The following SUPT3H variants were observed in gnomAD, a reference collection of about 807,000 sequenced individuals.
SUPT3H encodes the protein SPT3 homolog, SAGA and STAGA complex component, also known as transcription initiation protein SPT3 homolog.
A neutral mutation model predicts 44.3 loss-of-function variants in SUPT3H; 44 were observed. That is an observed-to-expected ratio of 0.99 (90% CI 0.78 to 1.28). The LOEUF is 1.28. SUPT3H is among the 50% of genes most tolerant of loss of function. The pLI is 0.00. For missense variants in SUPT3H, 380 were observed against 387.1 expected, an observed-to-expected ratio of 0.98 and a Z score of 0.15; for synonymous variants, 124 against 125.6, an observed-to-expected ratio of 0.99 and a Z score of 0.09.
chr6:45,344,656 G>C (rs1365247475), intron 2 of SUPT3H, among the ~76,000 whole-genome samples: 2 of 152,060 alleles, frequency 1.3e-5, no homozygotes, highest in Non-Finnish European at 2.9e-5. Context: ...AATGTCAAAA[G>C]CATGTTAACT....
chr6:45,132,499 T>G (rs115310890), intron 2 of SUPT3H, among the ~76,000 whole-genome samples: 2,670 of 152,294 alleles, frequency 0.018, 51 homozygotes, highest in South Asian at 0.085. Flanking sequence ...CTTACATTTA[T>G]CTTTGACCAC....
At chr6:45,048,845 G>A (rs747777081) in intron 3 of SUPT3H, among the ~76,000 whole-genome samples, 7 of 152,020 alleles carry the variant, frequency 4.6e-5, no homozygotes, top group Non-Finnish European at 7.4e-5. Flanking sequence ...TTGACCTCAC[G>A]GAAGTAGAGA....
intron 2 of SUPT3H, among the ~76,000 whole-genome samples, chr6:45,246,544 G>A: frequency 6.6e-6 from 1 of 152,080 alleles, no homozygotes; most frequent in East Asian, 1.9e-4. Flanking sequence ...TTGCTCTTAA[G>A]AATCAATATT....
intron 3 of SUPT3H, among the ~76,000 whole-genome samples, chr6:45,100,082 A>G (rs1395157895): frequency 6.6e-6 from 1 of 152,174 alleles, no homozygotes; most frequent in Non-Finnish European, 1.5e-5. Flanking sequence ...TACTCAAAAA[A>G]TCAACTCAAA....
At chr6:45,090,643 T>C (rs1320847957) in intron 3 of SUPT3H, among the ~76,000 whole-genome samples, 2 of 151,972 alleles carry the variant, frequency 1.3e-5, no homozygotes, top group African/African-American at 2.4e-5. Flanking sequence ...CTAAATATAA[T>C]GTACTCATTG....
chr6:45,120,760 G>A (rs2153579092), intron 2 of SUPT3H, among the ~76,000 whole-genome samples: 1 of 152,198 alleles, frequency 6.6e-6, no homozygotes, highest in South Asian at 2.1e-4. Context: ...TTGCTTTTAG[G>A]TTTCAAGAAT....
intron 2 of SUPT3H, among the ~76,000 whole-genome samples, chr6:45,337,303 G>A (rs1788771262): frequency 6.6e-6 from 1 of 151,428 alleles, no homozygotes; most frequent in African/African-American, 2.4e-5. Context: ...AAATTTGCTG[G>A]AAAAGCTTGC....
chr6:44,969,827 T>A (rs1393676578), intron 6 of SUPT3H, among the ~76,000 whole-genome samples: 1 of 152,182 alleles, frequency 6.6e-6, no homozygotes. Context: ...TTCCCCAGAG[T>A]GGCATTCATA....
chr6:44,952,674 C>T (rs915755625), intron 9 of SUPT3H, among the ~76,000 whole-genome samples: 1 of 152,190 alleles, frequency 6.6e-6, no homozygotes, highest in African/African-American at 2.4e-5. Flanking sequence ...CACTGCAATA[C>T]ATTTCTGGTT....
intron 2 of SUPT3H, among the ~76,000 whole-genome samples, chr6:45,117,949 A>G (rs1257116072): frequency 6.6e-6 from 1 of 152,126 alleles, no homozygotes; most frequent in Non-Finnish European, 1.5e-5. Context: ...AATGAAATTT[A>G]GTATGCCCAG....
chr6:45,254,017 G>C (rs1354950231), intron 2 of SUPT3H, among the ~76,000 whole-genome samples: 1 of 150,960 alleles, frequency 6.6e-6, no homozygotes, highest in Non-Finnish European at 1.5e-5. Context: ...GAAGCAATAG[G>C]CACCGAACAA....
chr6:45,117,542 A>G (rs1032442341), intron 2 of SUPT3H, among the ~76,000 whole-genome samples: 4 of 152,098 alleles, frequency 2.6e-5, no homozygotes, highest in Non-Finnish European at 4.4e-5. Flanking sequence ...TTAAAAAATG[A>G]AGCAAACTCA....
intron 10 of SUPT3H, among the ~76,000 whole-genome samples, chr6:44,907,002 C>G (rs1284841812): frequency 6.6e-6 from 1 of 152,154 alleles, no homozygotes; most frequent in Non-Finnish European, 1.5e-5. Context: ...TGATTAACGT[C>G]ATTGTTTTCT....
intron 2 of SUPT3H, among the ~76,000 whole-genome samples, chr6:45,147,990 T>C (rs1806353501): frequency 6.6e-6 from 1 of 152,164 alleles, no homozygotes; most frequent in African/African-American, 2.4e-5. Flanking sequence ...GCTAACTTTC[T>C]ATCATGTATT....
chr6:45,013,701 C>T (rs539803128), intron 5 of SUPT3H, among the ~76,000 whole-genome samples: 1 of 152,226 alleles, frequency 6.6e-6, no homozygotes, highest in Admixed American at 6.6e-5. Context: ...GTCATCTCAG[C>T]TGTGCCTGCC....
intron 2 of SUPT3H, among the ~76,000 whole-genome samples, chr6:45,302,202 T>C (rs1782235851): frequency 6.6e-6 from 1 of 152,030 alleles, no homozygotes; most frequent in Non-Finnish European, 1.5e-5. Context: ...GATGCTCCCA[T>C]CATGCAAGCA....
intron 6 of SUPT3H, among the ~76,000 whole-genome samples, chr6:45,002,626 T>C (rs1449806308): frequency 1.3e-5 from 2 of 152,088 alleles, no homozygotes; most frequent in African/African-American, 4.8e-5. Flanking sequence ...TAGCATGTTT[T>C]TGGCCCAAGG....
intron 10 of SUPT3H, among the ~76,000 whole-genome samples, chr6:44,846,928 C>T (rs1271688524): frequency 6.6e-6 from 1 of 152,164 alleles, no homozygotes; most frequent in Non-Finnish European, 1.5e-5. Flanking sequence ...CTGTACCCAG[C>T]CCCAGTTGAA....
intron 2 of SUPT3H, among the ~76,000 whole-genome samples, chr6:45,334,449 C>CAAAAAAAAAAAAAAAA (rs551014969): frequency 1.1e-5 from 1 of 91,760 alleles, no homozygotes; most frequent in African/African-American, 4.3e-5. Flanking sequence ...TCAGGAAAAG[C>CAAAAAAAAAAAAAAAA]AAAAAAAAAA....
Sources: allele counts gnomAD v4.1 joint callset (sites outside exome capture counted in the v4.1 genomes callset), GRCh38; gene constraint gnomAD v4.1.1; transcripts MANE v1.5; gene names NCBI Gene and HGNC (gene_info 2026-07-23, HGNC 2026-07-21).